The following RALYL variants were observed in gnomAD, a reference collection of about 807,000 sequenced individuals.
The protein encoded by RALYL is RNA-binding Raly-like protein.
A neutral mutation model predicts 35.1 loss-of-function variants in RALYL; 29 were observed. That is an observed-to-expected ratio of 0.83 (90% CI 0.61 to 1.13). The LOEUF is 1.13. Ranked by LOEUF, RALYL falls within the 50% of genes most tolerant of loss-of-function variation. The pLI, the probability that RALYL is intolerant of heterozygous loss-of-function variation, is 0.00. For synonymous variants in RALYL, 120 were observed against 127.6 expected (o/e 0.94, Z 0.40); for missense variants, 359 against 360.4 (o/e 1.00, Z 0.03).
chr8:84,504,610 T>C (rs1262361321), intron 1 of RALYL, among the ~76,000 whole-genome samples: 1 of 152,130 alleles, frequency 6.6e-6, no homozygotes, highest in Non-Finnish European at 1.5e-5. Flanking sequence ...TAATATTTTA[T>C]CTCTTATAGG....
At chr8:84,490,426 T>G (rs1214318135) in intron 1 of RALYL, among the ~76,000 whole-genome samples, 2 of 151,982 alleles carry the variant, frequency 1.3e-5, no homozygotes, top group Non-Finnish European at 2.9e-5. Context: ...AGATTGAAGG[T>G]TGTTGCCTGG....
At chr8:84,894,853 C>T (rs1844462885) in intron 8 of RALYL, among the ~76,000 whole-genome samples, 1 of 152,148 alleles carries the variant, frequency 6.6e-6, no homozygotes, top group African/African-American at 2.4e-5. Context: ...AAAATCTCTC[C>T]TGGAGGTTGG....
At chr8:84,734,582 T>C (rs1248401199) in intron 2 of RALYL, among the ~76,000 whole-genome samples, 5 of 152,142 alleles carry the variant, frequency 3.3e-5, no homozygotes, top group Admixed American at 1.3e-4. Flanking sequence ...AGTCCTAGAA[T>C]GCTAAAATGC....
chr8:84,676,194 G>C (rs2131890346), intron 2 of RALYL, among the ~76,000 whole-genome samples: 1 of 152,182 alleles, frequency 6.6e-6, no homozygotes, highest in African/African-American at 2.4e-5. Context: ...GATTTTTTCT[G>C]ATCCAAGTAA....
intron 1 of RALYL, among the ~76,000 whole-genome samples, chr8:84,457,649 G>T (rs990903922): frequency 2.6e-5 from 4 of 151,356 alleles, no homozygotes; most frequent in African/African-American, 9.7e-5. Flanking sequence ...AATATCTTAC[G>T]CCTTGTCTTA....
intron 1 of RALYL, among the ~76,000 whole-genome samples, chr8:84,251,021 G>A (rs186782243): frequency 7.3e-4 from 111 of 152,128 alleles, no homozygotes; most frequent in African/African-American, 2.5e-3. Context: ...CTTAAAATTC[G>A]AAAAGGAGTA....
intron 2 of RALYL, among the ~76,000 whole-genome samples, chr8:84,735,863 G>A (rs557656977): frequency 6.9e-6 from 1 of 145,736 alleles, no homozygotes; most frequent in Admixed American, 6.8e-5. Flanking sequence ...AGAACACACA[G>A]GTCCAGAGAT....
intron 8 of RALYL, among the ~76,000 whole-genome samples, chr8:84,909,709 G>A (rs1397921984): frequency 6.6e-6 from 1 of 152,042 alleles, no homozygotes; most frequent in Non-Finnish European, 1.5e-5. Context: ...TCTATAATAT[G>A]AGTATAAGGA....
At chr8:84,884,257 C>T (rs1372695271) in intron 7 of RALYL, among the ~76,000 whole-genome samples, 1 of 152,000 alleles carries the variant, frequency 6.6e-6, no homozygotes, top group Non-Finnish European at 1.5e-5. Context: ...GATGAGAAAA[C>T]AGTAGAACTA....
chr8:84,386,416 T>C (rs569967473), intron 1 of RALYL, among the ~76,000 whole-genome samples: 1 of 152,044 alleles, frequency 6.6e-6, no homozygotes, highest in Admixed American at 6.6e-5. Flanking sequence ...GGTGGTAATA[T>C]AATTGTTAAT....
intron 2 of RALYL, among the ~76,000 whole-genome samples, chr8:84,731,521 A>G (rs1846173900): frequency 6.6e-6 from 1 of 152,114 alleles, no homozygotes. Flanking sequence ...ACCAAACGTC[A>G]GTGATTTTAT....
At chr8:84,209,338 A>G (rs1475811254) in intron 1 of RALYL, among the ~76,000 whole-genome samples, 1 of 152,110 alleles carries the variant, frequency 6.6e-6, no homozygotes, top group Non-Finnish European at 1.5e-5. Context: ...CCCGGTTATG[A>G]AAGCTTTTTA....
chr8:84,873,045 C>T, intron 6 of RALYL: 1 of 359,514 alleles, frequency 2.8e-6, no homozygotes, highest in East Asian at 4.2e-5. Flanking sequence ...ATTTCCATAA[C>T]CTTCAGTCAA....
chr8:84,387,806 T>TC (rs1457056006), intron 1 of RALYL, among the ~76,000 whole-genome samples: 14 of 148,800 alleles, frequency 9.4e-5, no homozygotes, highest in Non-Finnish European at 1.3e-4. Flanking sequence ...TTTCTTTCTT[T>TC]TTTTTTTTTT....
intron 4 of RALYL, among the ~76,000 whole-genome samples, chr8:84,820,973 A>G (rs1300530964): frequency 1.3e-5 from 2 of 152,222 alleles, no homozygotes; most frequent in African/African-American, 4.8e-5. Context: ...ATATACTTTT[A>G]ATATCAGTCC....
intron 1 of RALYL, among the ~76,000 whole-genome samples, chr8:84,285,088 C>T (rs921991578): frequency 6.6e-6 from 1 of 152,112 alleles, no homozygotes; most frequent in Non-Finnish European, 1.5e-5. Flanking sequence ...AGGCCAAGGC[C>T]TAATAAGTTC....
chr8:84,636,203 C>A (rs1825025026), intron 2 of RALYL, among the ~76,000 whole-genome samples: 1 of 151,762 alleles, frequency 6.6e-6, no homozygotes, highest in East Asian at 1.9e-4. Flanking sequence ...TCCTTTTTAA[C>A]AGCACTGTCT....
chr8:84,707,521 C>T (rs1417785241), intron 2 of RALYL, among the ~76,000 whole-genome samples: 1 of 152,008 alleles, frequency 6.6e-6, no homozygotes, highest in Non-Finnish European at 1.5e-5. Flanking sequence ...AAAATGTGCT[C>T]ACTGAAGTCT....
intron 4 of RALYL, among the ~76,000 whole-genome samples, chr8:84,843,715 C>T (rs1181492310): frequency 2.6e-5 from 4 of 152,188 alleles, no homozygotes; most frequent in Non-Finnish European, 5.9e-5. Flanking sequence ...TGACTTCAAA[C>T]TATACTACAA....
Sources: gnomAD v4.1 joint callset for allele counts (sites outside exome capture counted in the v4.1 genomes callset) on GRCh38, gnomAD v4.1.1 for gene constraint, MANE v1.5 for transcripts, NCBI Gene and HGNC (gene_info 2026-07-23, HGNC 2026-07-21) for gene names.